GRID1: variants seen among roughly 807,000 people sequenced by gnomAD.
GRID1 encodes the protein glutamate receptor ionotropic, delta-1.
In GRID1, 28 loss-of-function variants were observed where a neutral mutation model predicts 98.0. The ratio of observed to expected loss-of-function variants is 0.29; its 90% CI spans 0.21 to 0.39. The LOEUF (loss-of-function observed/expected upper bound fraction) is 0.39, where lower values mean the gene tolerates loss of function less well. Ranked by LOEUF, GRID1 falls within the 10% of genes least tolerant of loss-of-function variation. The probability of loss-of-function intolerance (pLI) is 1.00; values close to 1 mark genes in which losing one functional copy is unlikely to be tolerated. For synonymous variants in GRID1, 553 were observed against 538.5 expected, an observed-to-expected ratio of 1.03 and a Z score of -0.37; for missense variants, 1,111 against 1,340.5, an observed-to-expected ratio of 0.83 and a Z score of 2.67.
Position 86,346,504 on chromosome 10 carries a change from C to T in GRID1, c.235+17437G>A, listed in dbSNP as rs72845180. ...GAGATAAACGTCTCTGAGTAGCCAGCCGCCTAATGAGACTGTCAGGGGACT... is the reference window on the plus strand; with the variant it reads ...GAGATAAACGTCTCTGAGTAGCCAGTCGCCTAATGAGACTGTCAGGGGACT... On this transcript the variant is annotated intron_variant, in intron 2 of 15. Transcript: ENST00000327946. 5.7e-3 allele frequency among the ~76,000 whole-genome samples: 873 copies of T among 152,336 alleles called. 3 individuals carry two copies. Among genetic ancestry groups the T allele is most frequent in the Non-Finnish European group, 9.7e-3 (661 of 68,034 alleles).
At position 86,274,518 on chromosome 10, in the gene GRID1, T is replaced by A. The variant is rs1172091894; in HGVS notation, c.236-67870A>T. Among the ~76,000 whole-genome samples, 5 of 152,198 alleles carry A rather than the reference T, an allele frequency of 3.3e-5. No homozygotes were observed. The East Asian group carries it at 9.6e-4, about 29-fold the overall frequency. The stretch of plus-strand genomic sequence containing the variant: ...ACCTTGGGCAGTATGGCCATTTTCA[T>A]GATATTGATTCTTCCTACCCATGAG... On this transcript the variant is annotated intron_variant, in intron 2 of 15. Coordinates refer to ENST00000327946, the MANE Select transcript of GRID1 (RefSeq NM_017551.3).
At chr10:86,115,736 A>G (rs773606955) in intron 4 of GRID1, among the ~76,000 whole-genome samples, 1 of 152,212 alleles carries the variant, frequency 6.6e-6, no homozygotes, top group African/African-American at 2.4e-5. Flanking sequence ...CCCAGCACAC[A>G]GGGCCAGCCC....
intron 4 of GRID1, among the ~76,000 whole-genome samples, chr10:86,070,952 T>C (rs957366791): frequency 3.9e-5 from 6 of 152,172 alleles, no homozygotes; most frequent in African/African-American, 1.4e-4. Flanking sequence ...ATCTGTGACC[T>C]GCATCTCCAG....
intron 11 of GRID1, among the ~76,000 whole-genome samples, chr10:85,723,417 G>A (rs1841726260): frequency 6.6e-6 from 1 of 152,202 alleles, no homozygotes; most frequent in African/African-American, 2.4e-5. Flanking sequence ...AAGGGTTGGG[G>A]TCTGAATATC....
At chr10:86,179,973 G>A (rs576041312) in intron 3 of GRID1, among the ~76,000 whole-genome samples, 11 of 152,312 alleles carry the variant, frequency 7.2e-5, no homozygotes, top group Non-Finnish European at 1.3e-4. Context: ...CCAGAAAGAC[G>A]CAGAAGGGTC....
chr10:86,361,977 G>C (rs1224803846), intron 2 of GRID1, among the ~76,000 whole-genome samples: 1 of 152,216 alleles, frequency 6.6e-6, no homozygotes, highest in Non-Finnish European at 1.5e-5. Context: ...GGGAACTGCT[G>C]ATGGGAGCGG....
chr10:85,784,486 T>TG (rs1289287720), intron 8 of GRID1, among the ~76,000 whole-genome samples: 1 of 152,218 alleles, frequency 6.6e-6, no homozygotes, highest in Non-Finnish European at 1.5e-5. Flanking sequence ...AATGTGCTCA[T>TG]GGGGCTTCCC....
intron 2 of GRID1, among the ~76,000 whole-genome samples, chr10:86,358,741 G>A (rs1383956402): frequency 1.3e-5 from 2 of 151,890 alleles, no homozygotes; most frequent in African/African-American, 4.8e-5. Context: ...CTGGGTGACA[G>A]AGAGAGACTC....
intron 4 of GRID1, among the ~76,000 whole-genome samples, chr10:86,049,332 T>C (rs955643790): frequency 2.1e-4 from 32 of 152,334 alleles, no homozygotes; most frequent in African/African-American, 7.5e-4. Context: ...TTGATCCATA[T>C]CAAATTGTAT....
At chr10:85,862,586 G>A (rs751587995) in intron 6 of GRID1, among the ~76,000 whole-genome samples, 2 of 152,152 alleles carry the variant, frequency 1.3e-5, no homozygotes, top group Non-Finnish European at 2.9e-5. Context: ...GGTAGGAGGC[G>A]TCTCTGGGAA....
At chr10:85,707,612 G>A (rs534161899) in intron 12 of GRID1, among the ~76,000 whole-genome samples, 1 of 152,156 alleles carries the variant, frequency 6.6e-6, no homozygotes, top group East Asian at 1.9e-4. Flanking sequence ...CCCATTACTG[G>A]GTATATACCC....
chr10:86,206,459 G>A lies in GRID1; in HGVS notation c.425C>T (p.Ala142Val), dbSNP rs544054112. The A allele has an allele frequency of 1.2e-6, 2 of 1,614,224 alleles. No individual in the cohort carries two copies. The highest frequency in any genetic ancestry group is 1.7e-6 in the Non-Finnish European group (2 of 1,180,028). ...ATTGAGGCGGACGGGTGGTCTCGAA[G>A]CCAGTGTGTAGGCCTCACCATCGGG... ...PSPDGEAYTL[A>V]SRPPVRLNDV... Residue 142 changes from alanine to valine, a missense_variant, in exon 3 of 16, where the codon GCT (alanine) becomes GTT (valine). Ala to Val is a moderately conservative substitution (Grantham distance 64). Coordinates refer to ENST00000327946, the MANE Select transcript of GRID1 (RefSeq NM_017551.3). This position sits in a 1 kb window ranked among gnomAD's most constrained non-coding sequence, Gnocchi z 4.1.
chr10:85,911,617 C>T (rs148830060), intron 5 of GRID1, among the ~76,000 whole-genome samples: 12 of 152,290 alleles, frequency 7.9e-5, no homozygotes, highest in African/African-American at 2.6e-4. Context: ...CATCTTAAAC[C>T]ATTTCCAACA....
chr10:86,291,179 C>T (rs927742581), intron 2 of GRID1, among the ~76,000 whole-genome samples: 3 of 152,148 alleles, frequency 2.0e-5, no homozygotes. Flanking sequence ...GGACCTGTGG[C>T]GGGGGGTGGA....
intron 2 of GRID1, among the ~76,000 whole-genome samples, chr10:86,219,887 C>G (rs1317921878): frequency 6.6e-6 from 1 of 152,198 alleles, no homozygotes; most frequent in Non-Finnish European, 1.5e-5. Context: ...ATGCTCCCCC[C>G]GGGAGGCAGC....
At chr10:85,664,348 C>T (rs1195220831) in intron 12 of GRID1, among the ~76,000 whole-genome samples, 5 of 152,088 alleles carry the variant, frequency 3.3e-5, no homozygotes, top group African/African-American at 4.8e-5. Context: ...TGTCTGTGGT[C>T]CTGTAGCCAG....
At chr10:86,282,473 C>T (rs1335217597) in intron 2 of GRID1, among the ~76,000 whole-genome samples, 1 of 152,254 alleles carries the variant, frequency 6.6e-6, no homozygotes, top group Non-Finnish European at 1.5e-5. Flanking sequence ...ACAGGGGATC[C>T]GTGGTCCATC....
intron 8 of GRID1, among the ~76,000 whole-genome samples, chr10:85,738,252 C>T (rs1369566328): frequency 6.6e-6 from 1 of 152,122 alleles, no homozygotes. Flanking sequence ...AAGAGGAAGA[C>T]ATGTGATAGG....
At chr10:85,922,351 T>A (rs1466265095) in intron 4 of GRID1, among the ~76,000 whole-genome samples, 1 of 152,086 alleles carries the variant, frequency 6.6e-6, no homozygotes, top group Non-Finnish European at 1.5e-5. Context: ...GTAAATGGAG[T>A]GGAAAAAACC....
Sources: gnomAD v4.1 joint callset for allele counts (sites outside exome capture counted in the v4.1 genomes callset) on GRCh38, gnomAD v4.1.1 for gene constraint, Gnocchi (gnomAD v3.1) non-coding constraint, MANE v1.5 for transcripts, NCBI Gene and HGNC (gene_info 2026-07-23, HGNC 2026-07-21) for gene names.